The following ANKIB1 variants were observed in gnomAD, a reference collection of about 807,000 sequenced individuals.
The protein encoded by ANKIB1 is ankyrin repeat and IBR domain containing 1, also known as ankyrin repeat and IBR domain-containing protein 1.
In ANKIB1, 43 loss-of-function variants were observed where a neutral mutation model predicts 122.1. The ratio of observed to expected loss-of-function variants is 0.35; its 90% CI spans 0.28 to 0.45. ANKIB1 has a LOEUF of 0.45. Among genes scored for constraint, ANKIB1 ranks in the 20% least tolerant of loss-of-function variants. The pLI is 1.00. For missense variants in ANKIB1, 992 were observed against 1,329.5 expected (o/e 0.75, Z 3.95); for synonymous variants, 390 against 442.0 (o/e 0.88, Z 1.48).
At chr7:92,294,683 A>G (rs939655475) in intron 1 of ANKIB1, among the ~76,000 whole-genome samples, 2 of 152,188 alleles carry the variant, frequency 1.3e-5, no homozygotes, top group African/African-American at 4.8e-5. Context: ...CTGTGTGGGA[A>G]AGTGTTAAAG....
chr7:92,375,473 T>A (rs1308222410), intron 11 of ANKIB1, among the ~76,000 whole-genome samples: 1 of 152,234 alleles, frequency 6.6e-6, no homozygotes, highest in African/African-American at 2.4e-5. Flanking sequence ...AGGAGCCTAT[T>A]CTGTCTCAAG....
chr7:92,385,086 C>G (rs1272349296), intron 11 of ANKIB1, among the ~76,000 whole-genome samples: 1 of 152,136 alleles, frequency 6.6e-6, no homozygotes, highest in Admixed American at 6.5e-5. Flanking sequence ...TGAACAGACA[C>G]TTTTCAAAAG....
intron 1 of ANKIB1, among the ~76,000 whole-genome samples, chr7:92,247,809 A>T (rs1046264553): frequency 1.3e-5 from 2 of 152,154 alleles, no homozygotes; most frequent in African/African-American, 2.4e-5. Flanking sequence ...TGTAGTGTAG[A>T]CTGGTAGCTT....
intron 1 of ANKIB1, among the ~76,000 whole-genome samples, chr7:92,288,698 A>G (rs1802187563): frequency 6.6e-6 from 1 of 152,242 alleles, no homozygotes; most frequent in Non-Finnish European, 1.5e-5. Context: ...AAATGGGCGA[A>G]AGATTTATTT....
chr7:92,283,719 A>AT (rs1398609514), intron 1 of ANKIB1, among the ~76,000 whole-genome samples: 1 of 152,150 alleles, frequency 6.6e-6, no homozygotes, highest in African/African-American at 2.4e-5. Flanking sequence ...CAGTTATTTT[A>AT]TTTTTTAAAT....
At chr7:92,265,117 A>G (rs1801644559) in intron 1 of ANKIB1, among the ~76,000 whole-genome samples, 1 of 152,154 alleles carries the variant, frequency 6.6e-6, no homozygotes, top group African/African-American at 2.4e-5. Context: ...AGCTAGGACT[A>G]CATGTGTGTA....
At chr7:92,364,207 G>C (rs1007400508) in intron 10 of ANKIB1, among the ~76,000 whole-genome samples, 8 of 150,342 alleles carry the variant, frequency 5.3e-5, no homozygotes, top group Non-Finnish European at 1.2e-4. Flanking sequence ...CAGCTACTCA[G>C]GAGGCTAAGG....
intron 5 of ANKIB1, among the ~76,000 whole-genome samples, chr7:92,332,819 C>T (rs1302591083): frequency 6.6e-6 from 1 of 152,156 alleles, no homozygotes; most frequent in East Asian, 1.9e-4. Flanking sequence ...CTGGACTAGA[C>T]CTCTCTTCTG....
chr7:92,359,289 TCAA>T, intron 9 of ANKIB1, among the ~76,000 whole-genome samples: 1 of 152,216 alleles, frequency 6.6e-6, no homozygotes, highest in Admixed American at 6.5e-5. Flanking sequence ...TTCTCCTTGT[TCAA>T]CTCCCATTTG....
intron 2 of ANKIB1, among the ~76,000 whole-genome samples, chr7:92,297,107 A>G (rs1422691644): frequency 6.6e-6 from 1 of 152,202 alleles, no homozygotes; most frequent in African/African-American, 2.4e-5. Flanking sequence ...AGTGCTGTAC[A>G]TGCATTATCT....
intron 1 of ANKIB1, among the ~76,000 whole-genome samples, chr7:92,276,268 G>A (rs557970382): frequency 6.6e-6 from 1 of 152,248 alleles, no homozygotes; most frequent in African/African-American, 2.4e-5. Flanking sequence ...ACCTCCACCA[G>A]CAATGAGTAA....
At chr7:92,296,049 T>G (rs1050317870) in intron 2 of ANKIB1, among the ~76,000 whole-genome samples, 1 of 152,166 alleles carries the variant, frequency 6.6e-6, no homozygotes, top group Non-Finnish European at 1.5e-5. Context: ...TAAAAAAACT[T>G]AACGTTCAGC....
intron 17 of ANKIB1, chr7:92,396,124 T>G: frequency 2.0e-6 from 1 of 498,544 alleles, no homozygotes; most frequent in East Asian, 3.9e-5. Flanking sequence ...AATGTAGCAC[T>G]GGGGCTTGCA....
At chr7:92,250,705 T>C (rs1801311998) in intron 1 of ANKIB1, among the ~76,000 whole-genome samples, 1 of 152,220 alleles carries the variant, frequency 6.6e-6, no homozygotes, top group Non-Finnish European at 1.5e-5. Context: ...GCAATGAAAA[T>C]GTATTCTTTC....
At chr7:92,301,945 T>G (rs1802466329) in intron 2 of ANKIB1, among the ~76,000 whole-genome samples, 1 of 150,108 alleles carries the variant, frequency 6.7e-6, no homozygotes, top group Non-Finnish European at 1.5e-5. Flanking sequence ...CCTTTTTTCT[T>G]TTTTTTTTTG....
intron 1 of ANKIB1, among the ~76,000 whole-genome samples, chr7:92,290,370 A>AGT (rs34404682): frequency 0.092 from 13,015 of 141,210 alleles, 629 homozygotes; most frequent in African/African-American, 0.14. Context: ...TATGTATGAA[A>AGT]GTGTGTGTGT....
At chr7:92,287,547 C>T (rs773297563) in intron 1 of ANKIB1, among the ~76,000 whole-genome samples, 1 of 152,130 alleles carries the variant, frequency 6.6e-6, no homozygotes, top group Admixed American at 6.5e-5. Flanking sequence ...GTTTCCTGGT[C>T]AGAGTATTAA....
chr7:92,291,878 G>A (rs1378597621), intron 1 of ANKIB1, among the ~76,000 whole-genome samples: 1 of 151,724 alleles, frequency 6.6e-6, no homozygotes, highest in African/African-American at 2.4e-5. Flanking sequence ...CCCGGCCCAG[G>A]GTACATTTTT....
chr7:92,285,583 G>A (rs1401181138), intron 1 of ANKIB1, among the ~76,000 whole-genome samples: 4 of 152,140 alleles, frequency 2.6e-5, no homozygotes, highest in Non-Finnish European at 2.9e-5. Flanking sequence ...GTCATTAAAA[G>A]ACTTGCCAAG....
Sources: allele counts gnomAD v4.1 joint callset (sites outside exome capture counted in the v4.1 genomes callset), GRCh38; gene constraint gnomAD v4.1.1; transcripts MANE v1.5; gene names NCBI Gene and HGNC (gene_info 2026-07-23, HGNC 2026-07-21).